The following PDSS2 variants were observed in gnomAD, a reference collection of about 807,000 sequenced individuals.
PDSS2 encodes decaprenyl diphosphate synthase subunit 2, also known as all trans-polyprenyl-diphosphate synthase PDSS2.
Under a neutral mutation model 44.5 loss-of-function variants are expected in PDSS2, and 31 were observed. The ratio of observed to expected loss-of-function variants is 0.70; its 90% confidence interval spans 0.52 to 0.94. PDSS2 has a LOEUF of 0.94. Ranked by LOEUF, PDSS2 falls within the 40% of genes least tolerant of loss-of-function variation. PDSS2 has a pLI of 0.00. For synonymous variants in PDSS2, 157 were observed against 180.3 expected (o/e 0.87, Z 1.03); for missense variants, 452 against 482.2 (o/e 0.94, Z 0.59).
chr6:107,205,318 T>C (rs117023422), intron 6 of PDSS2, among the ~76,000 whole-genome samples: 1 of 152,080 alleles, frequency 6.6e-6, no homozygotes, highest in African/African-American at 2.4e-5. Context: ...GCCAAGAAAA[T>C]CTAACCATAA....
chr6:107,332,220 TCAG>T (rs556405054), intron 2 of PDSS2, among the ~76,000 whole-genome samples: 2 of 152,024 alleles, frequency 1.3e-5, no homozygotes, highest in South Asian at 4.2e-4. Flanking sequence ...TCCTTCCACC[TCAG>T]CCTCCTGAAT....
intron 4 of PDSS2, among the ~76,000 whole-genome samples, chr6:107,243,756 C>T (rs980022816): frequency 6.6e-6 from 1 of 152,176 alleles, no homozygotes; most frequent in African/African-American, 2.4e-5. Context: ...GGCTCCACTC[C>T]TACAGACCTA....
At chr6:107,248,441 G>GAAA (rs1160686023) in intron 3 of PDSS2, among the ~76,000 whole-genome samples, 1 of 56,492 alleles carries the variant, frequency 1.8e-5, no homozygotes. Context: ...ACTAGGGGAA[G>GAAA]AAAAAAAAAA....
chr6:107,430,519 T>A (rs1236492881), intron 1 of PDSS2, among the ~76,000 whole-genome samples: 1 of 148,186 alleles, frequency 6.7e-6, no homozygotes, highest in Non-Finnish European at 1.5e-5. Context: ...AAAAATAAAA[T>A]TTAAAAAGGA....
intron 1 of PDSS2, among the ~76,000 whole-genome samples, chr6:107,377,096 CAGGCAACCT>C (rs1341597047): frequency 1.4e-5 from 2 of 146,552 alleles, no homozygotes; most frequent in African/African-American, 2.5e-5. Flanking sequence ...TCAGAGTGAA[CAGGCAACCT>C]ACAAAATGGG....
At chr6:107,256,053 C>T (rs1244751441) in intron 3 of PDSS2, among the ~76,000 whole-genome samples, 1 of 151,992 alleles carries the variant, frequency 6.6e-6, no homozygotes, top group Non-Finnish European at 1.5e-5. Flanking sequence ...TGCAGTGGTG[C>T]CATCTTGGCT....
intron 1 of PDSS2, among the ~76,000 whole-genome samples, chr6:107,402,437 TACAC>T (rs1174489186): frequency 7.9e-6 from 1 of 125,928 alleles, no homozygotes; most frequent in East Asian, 2.6e-4. Flanking sequence ...AATATATATA[TACAC>T]ACACACACAC....
chr6:107,430,199 T>C (rs533344928), intron 1 of PDSS2, among the ~76,000 whole-genome samples: 1 of 151,930 alleles, frequency 6.6e-6, no homozygotes, highest in Admixed American at 6.6e-5. Flanking sequence ...CACTTTAACT[T>C]CAAAAGTTCT....
At chr6:107,395,697 T>C (rs1388513533) in intron 1 of PDSS2, among the ~76,000 whole-genome samples, 1 of 152,228 alleles carries the variant, frequency 6.6e-6, no homozygotes, top group Non-Finnish European at 1.5e-5. Flanking sequence ...TATTTCAACA[T>C]TCTTGTTTGT....
At chr6:107,213,581 A>G (rs1773303022) in intron 4 of PDSS2, among the ~76,000 whole-genome samples, 1 of 152,068 alleles carries the variant, frequency 6.6e-6, no homozygotes, top group South Asian at 2.1e-4. Flanking sequence ...TAACATGGTG[A>G]AACCCTGTCT....
At chr6:107,385,115 T>G (rs1362545142) in intron 1 of PDSS2, among the ~76,000 whole-genome samples, 1 of 152,220 alleles carries the variant, frequency 6.6e-6, no homozygotes, top group Non-Finnish European at 1.5e-5. Flanking sequence ...ATTTCATCTC[T>G]TTATTTAGTC....
intron 2 of PDSS2, among the ~76,000 whole-genome samples, chr6:107,299,076 G>A (rs548927056): frequency 2.2e-5 from 3 of 139,086 alleles, no homozygotes; most frequent in Non-Finnish European, 3.1e-5. Context: ...GAGCCTGGGA[G>A]GTTGAAGCTG....
intron 1 of PDSS2, among the ~76,000 whole-genome samples, chr6:107,360,402 G>C (rs1778733343): frequency 1.3e-5 from 2 of 152,116 alleles, no homozygotes; most frequent in Admixed American, 1.3e-4. Flanking sequence ...TCTAGAAAAA[G>C]GCACTAAGAG....
At chr6:107,283,890 C>T (rs1478473676) in intron 2 of PDSS2, among the ~76,000 whole-genome samples, 1 of 151,478 alleles carries the variant, frequency 6.6e-6, no homozygotes, top group South Asian at 2.1e-4. Context: ...AAAAAATTAG[C>T]CAGGCATGGT....
intron 6 of PDSS2, among the ~76,000 whole-genome samples, chr6:107,202,625 T>C (rs1405919178): frequency 6.6e-6 from 1 of 152,096 alleles, no homozygotes; most frequent in East Asian, 1.9e-4. Flanking sequence ...TCTTGGTCAT[T>C]CTCTATGAAT....
At chr6:107,245,903 C>T (rs1774597641) in intron 3 of PDSS2, among the ~76,000 whole-genome samples, 1 of 152,156 alleles carries the variant, frequency 6.6e-6, no homozygotes, top group South Asian at 2.1e-4. Context: ...CATAAACTTA[C>T]ATTTCAGATA....
intron 1 of PDSS2, among the ~76,000 whole-genome samples, chr6:107,360,327 T>C (rs1419644114): frequency 6.6e-6 from 1 of 152,190 alleles, no homozygotes; most frequent in Non-Finnish European, 1.5e-5. Flanking sequence ...AAGTATAAAC[T>C]GAACAACTGC....
chr6:107,458,708 T>C (rs1056485479), intron 1 of PDSS2, among the ~76,000 whole-genome samples: 5 of 151,788 alleles, frequency 3.3e-5, no homozygotes, highest in Non-Finnish European at 7.4e-5. Context: ...GCTCGATTTC[T>C]CCACAAATCA....
chr6:107,234,296 C>T (rs1276418358), intron 4 of PDSS2, among the ~76,000 whole-genome samples: 1 of 151,964 alleles, frequency 6.6e-6, no homozygotes, highest in Admixed American at 6.6e-5. Flanking sequence ...ACCTCTACCT[C>T]CTAGGTTCCA....
Sources: gnomAD v4.1 joint callset for allele counts (sites outside exome capture counted in the v4.1 genomes callset) on GRCh38, gnomAD v4.1.1 for gene constraint, MANE v1.5 for transcripts, NCBI Gene and HGNC (gene_info 2026-07-23, HGNC 2026-07-21) for gene names.